The following SEC23B variants were observed in gnomAD, a reference collection of about 807,000 sequenced individuals.
SEC23B encodes protein transport protein Sec23B.
Under a neutral mutation model 104.3 loss-of-function variants are expected in SEC23B, and 77 were observed. The ratio of observed to expected loss-of-function variants is 0.74; its 90% CI spans 0.61 to 0.89. The LOEUF (loss-of-function observed/expected upper bound fraction) is 0.89. Among genes scored for constraint, SEC23B ranks in the 40% least tolerant of loss-of-function variants. The pLI is 0.00. For synonymous variants in SEC23B, 338 were observed against 332.5 expected (o/e 1.02, Z -0.18); for missense variants, 885 against 949.4 (o/e 0.93, Z 0.89).
chr20:18,550,080 ATATG>A (rs1452570472), intron 16 of SEC23B, among the ~76,000 whole-genome samples: 1 of 148,212 alleles, frequency 6.7e-6, no homozygotes, highest in Non-Finnish European at 1.5e-5. Flanking sequence ...ATATAAATAT[ATATG>A]TATATGATTA....
rs185482434 is a variant in SEC23B, at chr20:18,517,113, G to A, written c.366+1377G>A. 7.4e-4 allele frequency among the ~76,000 whole-genome samples: 112 copies of A among 152,012 alleles called. 1 individual carries two copies. Among genetic ancestry groups the A allele is most frequent in the Non-Finnish European group, 1.3e-4 (9 of 67,998 alleles). On this transcript the variant is annotated intron_variant, in intron 4 of 19. Transcript: ENST00000650089. ...TTTCTAGTTTTATTCCATTTTTATC[G>A]GAAATAATTATCTCATGTGTCCGTG...
chr20:18,526,655 G>C, intron 8 of SEC23B, 124 bp downstream of exon 8: 2 of 1,047,242 alleles, frequency 1.9e-6, no homozygotes, highest in Non-Finnish European at 3.0e-6. Flanking sequence ...TTCAGAGACA[G>C]TTTTCCAATC....
At chr20:18,523,144 G>C (rs2060099673) in intron 4 of SEC23B, among the ~76,000 whole-genome samples, 3 of 151,794 alleles carry the variant, frequency 2.0e-5, no homozygotes, top group South Asian at 4.2e-4. Context: ...CTTTTACCCA[G>C]GGTAAAAGAC....
Position 18,524,432 on chromosome 20 carries a change from G to T in SEC23B, c.367-1G>T. 4 of 1,611,746 alleles carry T rather than the reference G, an allele frequency of 2.5e-6. No individual in the cohort carries two copies. Among genetic ancestry groups the T allele is most frequent in the Non-Finnish European group, 3.4e-6 (4 of 1,177,848 alleles). On this transcript the variant is annotated splice_acceptor_variant, in intron 4 of 19. Coordinates refer to ENST00000650089, the MANE Select transcript of SEC23B (RefSeq NM_006363.6). LOFTEE classifies it high-confidence loss of function. The stretch of plus-strand genomic sequence containing the variant: ...ATTATGCTGTTTTTCTTTGCCCAAA[G>T]CGAGGTGCTCAGTCCCCTCTGATCT...
Position 18,543,134 on chromosome 20 carries a change from G to C in SEC23B, c.1627G>C (p.Asp543His). 6.2e-7 allele frequency: 1 copy of C among 1,614,184 alleles called. No homozygotes were observed. The highest frequency in any genetic ancestry group is 8.5e-7 in the Non-Finnish European group (1 of 1,180,038). Residue 543 changes from aspartate (D) to histidine (H), a missense_variant, in exon 14 of 20, where the codon GAT becomes CAT. Asp to His is a moderately conservative substitution (Grantham distance 81). Coordinates refer to ENST00000650089, the MANE Select transcript of SEC23B (RefSeq NM_006363.6). The part of the protein sequence containing the change: ...VFRAESEEGP[D>H]VLRWLDRQLI... ...CCGAGCGGAGTCAGAGGAGGGGCCCGATGTGCTCCGGTGGCTGGACCGACA... is the reference window on the plus strand; with the variant it reads ...CCGAGCGGAGTCAGAGGAGGGGCCCCATGTGCTCCGGTGGCTGGACCGACA...
upstream of SEC23B, chr20:18,507,608 G>A (rs1404876626): frequency 6.6e-6 from 1 of 152,298 alleles, no homozygotes; most frequent in Non-Finnish European, 1.5e-5. Context: ...CCACTGAGAC[G>A]AGCGGATGTC....
intron 9 of SEC23B, among the ~76,000 whole-genome samples, chr20:18,529,185 C>G (rs928885306): frequency 2.0e-5 from 3 of 152,198 alleles, no homozygotes; most frequent in African/African-American, 7.2e-5. Context: ...GAACTGTATT[C>G]AGCAGTTGAG....
intron 19 of SEC23B, among the ~76,000 whole-genome samples, chr20:18,557,259 T>A (rs1292904714): frequency 1.3e-5 from 2 of 152,156 alleles, no homozygotes; most frequent in Admixed American, 6.5e-5. Context: ...TGTTTTTGAG[T>A]GTATCTCCTT....
Position 18,555,338 on chromosome 20 carries a change from A to G in SEC23B, c.2214+165A>G, listed in dbSNP as rs1555363. On this transcript the variant is annotated intron_variant, in intron 19 of 19. Transcript: ENST00000650089. ...GGAGGGAAACAAGTTGAATAACATTACTGGGCCGGAGGTTGAGGGGGCTCC... is the reference window on the plus strand; with the variant it reads ...GGAGGGAAACAAGTTGAATAACATTGCTGGGCCGGAGGTTGAGGGGGCTCC... Among the ~76,000 whole-genome samples, 140,344 of 151,904 alleles carry G rather than the reference A, an allele frequency of 0.92. 65,741 individuals are homozygous for G. The highest frequency in any genetic ancestry group is 1 in the East Asian group (5,156 of 5,156).
chr20:18,554,972 CTAATTAGATTACTGTGCAGTAAAACAATT>C, intron 18 of SEC23B, 107 bp from the exon 19 acceptor site: 12 of 69,836 alleles, frequency 1.7e-4, no homozygotes, highest in South Asian at 4.2e-4. Flanking sequence ...TAAAACAATT[CTAATTAGATTACTGTGCAGTAAAACAATT>C]CTAATTTAAC....
intron 4 of SEC23B, among the ~76,000 whole-genome samples, chr20:18,523,803 TA>T (rs1268395615): frequency 6.6e-6 from 1 of 151,892 alleles, no homozygotes; most frequent in African/African-American, 2.4e-5. Context: ...TTCCTGGGCT[TA>T]AGGGATCCTC....
intron 15 of SEC23B, among the ~76,000 whole-genome samples, chr20:18,546,909 T>G (rs998257590): frequency 6.8e-6 from 1 of 146,228 alleles, no homozygotes; most frequent in South Asian, 2.2e-4. Context: ...TGCAGTTTTT[T>G]TTTTTTTTTT....
chr20:18,535,603 C>T (rs1304124024), intron 11 of SEC23B, 50 bp from the exon 12 acceptor site: 1 of 1,452,988 alleles, frequency 6.9e-7, no homozygotes, highest in East Asian at 2.3e-5. Flanking sequence ...CAATTAACCA[C>T]AGGGATGGTT....
intron 12 of SEC23B, among the ~76,000 whole-genome samples, chr20:18,538,054 C>T (rs2060252530): frequency 6.6e-6 from 1 of 152,040 alleles, no homozygotes; most frequent in East Asian, 1.9e-4. Flanking sequence ...AGCCATTCTC[C>T]CACCCCAGCC....
Position 18,535,732 on chromosome 20 carries a change from T to C in SEC23B, c.1394T>C (p.Val465Ala), listed in dbSNP as rs1288665629. The C allele has an allele frequency of 1.2e-6, 2 of 1,613,190 alleles. No homozygotes were observed. Among genetic ancestry groups the C allele is most frequent in the Non-Finnish European group, 8.5e-7 (1 of 1,179,198 alleles). ...PTSTLGIYFE[V>A]VNQHNTPIPQ... ...TCTACACTTGGCATCTATTTTGAAG[T>C]TGTCAATCAGGTGAGTTGGATTTCT... The change falls in exon 12 of 20, where the codon GTT becomes GCT. Residue 465 changes from valine to alanine, a missense_variant. Val to Ala is a moderately conservative substitution (Grantham distance 64, BLOSUM62 0). Transcript: ENST00000650089.
intron 17 of SEC23B, 111 bp from the exon 18 acceptor site, chr20:18,554,124 T>G: frequency 8.0e-7 from 1 of 1,244,482 alleles, no homozygotes; most frequent in Non-Finnish European, 1.2e-6. Flanking sequence ...TTTTTGATAT[T>G]AGACTTCTTC....
chr20:18,533,086 C>T (rs1406383060), intron 11 of SEC23B, among the ~76,000 whole-genome samples: 2 of 152,194 alleles, frequency 1.3e-5, no homozygotes, highest in African/African-American at 2.4e-5. Context: ...ACATTCAGCA[C>T]AGTCCTTCCA....
At chr20:18,532,377 T>A (rs761698640) in intron 10 of SEC23B, among the ~76,000 whole-genome samples, 50 of 152,234 alleles carry the variant, frequency 3.3e-4, no homozygotes, top group Admixed American at 2.1e-3. Context: ...AATGTAGTAT[T>A]GTTAGAATTG....
At chr20:18,521,635 AG>A (rs2060084879) in intron 4 of SEC23B, among the ~76,000 whole-genome samples, 1 of 152,076 alleles carries the variant, frequency 6.6e-6, no homozygotes, top group African/African-American at 2.4e-5. Context: ...GAAAGATTAT[AG>A]GGTGGGGGAG....
Sources: gnomAD v4.1 joint callset for allele counts (sites outside exome capture counted in the v4.1 genomes callset) on GRCh38, gnomAD v4.1.1 for gene constraint, MANE v1.5 for transcripts, NCBI Gene and HGNC (gene_info 2026-07-23, HGNC 2026-07-21) for gene names.